Variants in CEP128 observed in about 807,000 individuals in gnomAD.
CEP128 encodes centrosomal protein 128.
In CEP128, 132 loss-of-function variants were observed where a neutral mutation model predicts 156.7. The ratio of observed to expected loss-of-function variants is 0.84; its 90% CI spans 0.73 to 0.97. The LOEUF (loss-of-function observed/expected upper bound fraction) is 0.97, where lower values mean the gene tolerates loss of function less well. CEP128 is among the 50% of genes least tolerant of loss of function. The pLI is 0.00. For synonymous variants in CEP128, 469 were observed against 448.9 expected (o/e 1.04, Z -0.57); for missense variants, 1,252 against 1,281.9 (o/e 0.98, Z 0.36).
At chr14:80,780,563 T>G (rs936738644) in intron 15 of CEP128, among the ~76,000 whole-genome samples, 4 of 152,016 alleles carry the variant, frequency 2.6e-5, no homozygotes, top group African/African-American at 9.7e-5. Flanking sequence ...GTCCAAAGGT[T>G]TCAGAAGATC....
At chr14:80,946,718 G>A (rs866271978), upstream of CEP128, among the ~76,000 whole-genome samples, 35 of 152,270 alleles carry the variant, frequency 2.3e-4, no homozygotes, top group African/African-American at 7.0e-4. Flanking sequence ...AGGTAGTGCC[G>A]TTTCAAGGAG....
intron 19 of CEP128, among the ~76,000 whole-genome samples, chr14:80,621,865 G>A (rs1169046600): frequency 1.3e-5 from 2 of 152,126 alleles, no homozygotes; most frequent in Non-Finnish European, 2.9e-5. Flanking sequence ...ACCGTATGTT[G>A]TTTATTAATT....
intron 19 of CEP128, among the ~76,000 whole-genome samples, chr14:80,670,121 C>A (rs556721024): frequency 2.4e-4 from 36 of 152,260 alleles, no homozygotes; most frequent in African/African-American, 8.7e-4. Context: ...TGGCACTAAA[C>A]CATTCATGAG....
intron 19 of CEP128, among the ~76,000 whole-genome samples, chr14:80,676,363 G>C (rs1057265965): frequency 6.6e-6 from 1 of 151,708 alleles, no homozygotes; most frequent in Admixed American, 6.6e-5. Flanking sequence ...GTCTACTGCT[G>C]GTGAACATGT....
At chr14:80,847,577 G>C (rs1197817742) in intron 9 of CEP128, among the ~76,000 whole-genome samples, 1 of 152,166 alleles carries the variant, frequency 6.6e-6, no homozygotes, top group East Asian at 1.9e-4. Flanking sequence ...TAAAGTGCTT[G>C]ACATGTTAAC....
At chr14:80,718,189 CCAA>C (rs1399662478) in intron 19 of CEP128, among the ~76,000 whole-genome samples, 1 of 152,048 alleles carries the variant, frequency 6.6e-6, no homozygotes, top group Non-Finnish European at 1.5e-5. Context: ...AATAATATCA[CCAA>C]CAAGTCTTAC....
chr14:80,839,183 A>C (rs1033042877), intron 10 of CEP128, among the ~76,000 whole-genome samples: 7 of 152,256 alleles, frequency 4.6e-5, no homozygotes, highest in African/African-American at 1.7e-4. Context: ...ATGTAATAGG[A>C]TAGAACACAA....
chr14:80,729,798 C>T (rs1446073874), intron 19 of CEP128, among the ~76,000 whole-genome samples: 1 of 152,146 alleles, frequency 6.6e-6, no homozygotes, highest in African/African-American at 2.4e-5. Context: ...ATTGAAATTA[C>T]ATTTACTTCT....
At chr14:80,852,118 C>T (rs895548773) in intron 9 of CEP128, among the ~76,000 whole-genome samples, 1 of 151,912 alleles carries the variant, frequency 6.6e-6, no homozygotes, top group African/African-American at 2.4e-5. Flanking sequence ...CATGCACAAG[C>T]ACATAAAATT....
chr14:80,931,040 A>T (rs1388804800), intron 2 of CEP128, among the ~76,000 whole-genome samples: 1 of 152,236 alleles, frequency 6.6e-6, no homozygotes, highest in Non-Finnish European at 1.5e-5. Context: ...CGTGGTATGC[A>T]ATCCAGGTTG....
At chr14:80,503,042 A>G (rs926711104) in intron 24 of CEP128, among the ~76,000 whole-genome samples, 9 of 152,208 alleles carry the variant, frequency 5.9e-5, no homozygotes, top group Non-Finnish European at 1.0e-4. Flanking sequence ...TAAATTTTTT[A>G]AAGTATTTTT....
At chr14:80,650,150 T>C (rs1423030816) in intron 19 of CEP128, among the ~76,000 whole-genome samples, 1 of 152,140 alleles carries the variant, frequency 6.6e-6, no homozygotes, top group Non-Finnish European at 1.5e-5. Context: ...TAAGTTGTAT[T>C]CCTGGGTATT....
At chr14:80,606,130 A>G (rs1373946445) in intron 19 of CEP128, among the ~76,000 whole-genome samples, 2 of 152,140 alleles carry the variant, frequency 1.3e-5, no homozygotes, top group Non-Finnish European at 2.9e-5. Flanking sequence ...ACATAAAAAA[A>G]TCCTCAAGTA....
At chr14:80,856,326 AACT>A (rs1472604024) in intron 9 of CEP128, among the ~76,000 whole-genome samples, 1 of 152,112 alleles carries the variant, frequency 6.6e-6, no homozygotes, top group African/African-American at 2.4e-5. Flanking sequence ...ATAAGGGAGA[AACT>A]ACTGACTTAA....
At chr14:80,871,944 T>C (rs1446153799) in intron 8 of CEP128, among the ~76,000 whole-genome samples, 1 of 152,154 alleles carries the variant, frequency 6.6e-6, no homozygotes, top group Non-Finnish European at 1.5e-5. Flanking sequence ...TCTTTAACAA[T>C]ACCTGGTGCT....
At chr14:80,743,981 C>T (rs1156329705) in intron 18 of CEP128, among the ~76,000 whole-genome samples, 2 of 151,770 alleles carry the variant, frequency 1.3e-5, no homozygotes, top group Non-Finnish European at 2.9e-5. Flanking sequence ...AAGCAATCCT[C>T]CTGCTCAGCC....
intron 15 of CEP128, among the ~76,000 whole-genome samples, chr14:80,779,175 T>C (rs1484698941): frequency 6.6e-6 from 1 of 152,226 alleles, no homozygotes; most frequent in Non-Finnish European, 1.5e-5. Context: ...TTAATCTGTT[T>C]AAAATATATG....
At chr14:80,797,083 A>G (rs1282832987) in intron 13 of CEP128, among the ~76,000 whole-genome samples, 1 of 152,196 alleles carries the variant, frequency 6.6e-6, no homozygotes, top group Non-Finnish European at 1.5e-5. Flanking sequence ...ATAATCTCAA[A>G]TTTATAATGG....
At chr14:80,843,694 A>T (rs1353170570) in intron 9 of CEP128, among the ~76,000 whole-genome samples, 1 of 152,090 alleles carries the variant, frequency 6.6e-6, no homozygotes, top group African/African-American at 2.4e-5. Flanking sequence ...AGACTACACG[A>T]GCTATAAATT....
Sources: gnomAD v4.1 joint callset for allele counts (sites outside exome capture counted in the v4.1 genomes callset) on GRCh38, gnomAD v4.1.1 for gene constraint, MANE v1.5 for transcripts, NCBI Gene and HGNC (gene_info 2026-07-23, HGNC 2026-07-21) for gene names.